ZFAND6: variants seen among roughly 807,000 people sequenced by gnomAD.
ZFAND6 encodes AN1-type zinc finger protein 6.
ZFAND6 carries 12 observed loss-of-function variants against 24.5 expected under a neutral mutation model. The observed-to-expected ratio is 0.49, with a 90% CI of 0.31 to 0.79. The LOEUF (loss-of-function observed/expected upper bound fraction) is 0.79, where lower values mean the gene tolerates loss of function less well. Among genes scored for constraint, ZFAND6 ranks in the 30% least tolerant of loss-of-function variants. The pLI is 0.04. For missense variants in ZFAND6, 207 were observed against 245.9 expected (o/e 0.84, Z 1.06); for synonymous variants, 92 against 81.5 (o/e 1.13, Z -0.69).
chr15:80,136,054 A>T lies in ZFAND6; in HGVS notation c.479-1426A>T, dbSNP rs117277698. On this transcript the variant is annotated intron_variant, in intron 6 of 6. Transcript: ENST00000261749. ...GGTGGAAGGATTGCTTGAGCCCAGG[A>T]GGTCAAGGCTGCAGTGAGCTATGAT... Among the ~76,000 whole-genome samples, 300 of 151,940 alleles carry T rather than the reference A, an allele frequency of 2.0e-3. 9 individuals are homozygous for T. The East Asian group carries it at 0.048, about 24-fold the overall frequency.
At position 80,133,199 on chromosome 15, in the gene ZFAND6, G is replaced by GT. The variant is rs3082115; in HGVS notation, c.478+1917dup. ...GTTTTTTTTTGTTTGTTTGTTTTTT[G>GT]TTTTTTTTTTTGAAATGGAGTCTTG... On this transcript the variant is annotated intron_variant, in intron 6 of 6. Coordinates refer to ENST00000261749, the MANE Select transcript of ZFAND6 (RefSeq NM_019006.4). Among the ~76,000 whole-genome samples the GT allele has an allele frequency of 3.9e-3, 563 of 145,506 alleles. 4 individuals are homozygous for GT. The highest frequency in any genetic ancestry group is 0.023 in the East Asian group (114 of 4,990).
intron 2 of ZFAND6, among the ~76,000 whole-genome samples, chr15:80,113,787 A>G (rs2039728933): frequency 7.9e-6 from 1 of 127,274 alleles, no homozygotes; most frequent in South Asian, 2.9e-4. Flanking sequence ...ACAGAGTTGT[A>G]TACCAGTGAG....
chr15:80,066,347 C>G (rs1344888520), intron 1 of ZFAND6, among the ~76,000 whole-genome samples: 1 of 151,702 alleles, frequency 6.6e-6, no homozygotes, highest in African/African-American at 2.4e-5. Flanking sequence ...GAGTCTCACT[C>G]TGTTGCCCAG....
chr15:80,073,513 A>G (rs1427079499), intron 1 of ZFAND6, among the ~76,000 whole-genome samples: 1 of 151,962 alleles, frequency 6.6e-6, no homozygotes, highest in Non-Finnish European at 1.5e-5. Context: ...ATCAGACCAA[A>G]AGCCAGCTAA....
chr15:80,073,456 T>A (rs2037090633), intron 1 of ZFAND6: 1 of 180,006 alleles, frequency 5.6e-6, no homozygotes, highest in Non-Finnish European at 1.2e-5. Flanking sequence ...TTGTTGCTCT[T>A]TGTTCTCATA....
chr15:80,134,840 T>C (rs2040782825), intron 6 of ZFAND6, among the ~76,000 whole-genome samples: 1 of 152,290 alleles, frequency 6.6e-6, no homozygotes, highest in Non-Finnish European at 1.5e-5. Context: ...CACTAGACAG[T>C]CTGACAGAAG....
intron 6 of ZFAND6, among the ~76,000 whole-genome samples, chr15:80,136,241 C>G (rs1453617024): frequency 6.6e-6 from 1 of 152,056 alleles, no homozygotes; most frequent in Non-Finnish European, 1.5e-5. Context: ...CCTAGGCAGG[C>G]AGATCACAAG....
chr15:80,116,022 A>T (rs1339066020), intron 2 of ZFAND6, among the ~76,000 whole-genome samples: 2 of 151,434 alleles, frequency 1.3e-5, no homozygotes, highest in Non-Finnish European at 2.9e-5. Flanking sequence ...AGTATAGCAT[A>T]GTTGGTGGTT....
intron 1 of ZFAND6, among the ~76,000 whole-genome samples, chr15:80,061,449 C>T (rs1325223790): frequency 2.0e-5 from 3 of 152,128 alleles, no homozygotes; most frequent in Non-Finnish European, 2.9e-5. Flanking sequence ...TGATGACTCC[C>T]CCCAAACCCA....
intron 5 of ZFAND6, among the ~76,000 whole-genome samples, chr15:80,126,976 C>T (rs1265515566): frequency 4.6e-5 from 7 of 151,900 alleles, no homozygotes; most frequent in Non-Finnish European, 1.0e-4. Context: ...TGGTGGCGCA[C>T]GCTTGTAGTC....
intron 1 of ZFAND6, among the ~76,000 whole-genome samples, chr15:80,092,353 T>C (rs1471003349): frequency 2.0e-5 from 3 of 149,772 alleles, no homozygotes; most frequent in Non-Finnish European, 4.4e-5. Flanking sequence ...AAAGGATTGC[T>C]TGAGGACGGG....
chr15:80,118,570 G>GTATA (rs1008937623), intron 2 of ZFAND6, among the ~76,000 whole-genome samples: 1 of 152,014 alleles, frequency 6.6e-6, no homozygotes, highest in Non-Finnish European at 1.5e-5. Context: ...GTGTATGTAT[G>GTATA]TATATATACA....
At chr15:80,134,040 T>G (rs1216326207) in intron 6 of ZFAND6, among the ~76,000 whole-genome samples, 2 of 149,980 alleles carry the variant, frequency 1.3e-5, no homozygotes, top group South Asian at 2.1e-4. Context: ...TAGGCTGGAG[T>G]GCAGTGGCGC....
At chr15:80,066,828 C>A (rs35305616) in intron 1 of ZFAND6, among the ~76,000 whole-genome samples, 7 of 148,558 alleles carry the variant, frequency 4.7e-5, no homozygotes, top group Non-Finnish European at 8.9e-5. Flanking sequence ...AACTTAGAGG[C>A]GGAGGTTGCA....
At chr15:80,134,799 AAG>A (rs1366322946) in intron 6 of ZFAND6, among the ~76,000 whole-genome samples, 1 of 91,836 alleles carries the variant, frequency 1.1e-5, no homozygotes, top group African/African-American at 3.3e-5. Context: ...GACATAGAAA[AAG>A]AGAAAAAGCG....
intron 1 of ZFAND6, among the ~76,000 whole-genome samples, chr15:80,088,216 T>A (rs567788008): frequency 6.6e-6 from 1 of 152,276 alleles, no homozygotes; most frequent in Non-Finnish European, 1.5e-5. Context: ...TTGTCCATCC[T>A]TTTTGATCCT....
chr15:80,072,612 A>T (rs2037042799), intron 1 of ZFAND6: 1 of 152,070 alleles, frequency 6.6e-6, no homozygotes, highest in Non-Finnish European at 1.5e-5. Flanking sequence ...AGTTAATCTG[A>T]GGTGAAGCAA....
intron 1 of ZFAND6, among the ~76,000 whole-genome samples, chr15:80,066,176 CAA>C (rs1177403576): frequency 1.3e-5 from 2 of 152,092 alleles, no homozygotes; most frequent in Non-Finnish European, 2.9e-5. Flanking sequence ...CAGATTTCGA[CAA>C]GTGTCTAGGA....
upstream of ZFAND6, among the ~76,000 whole-genome samples, chr15:80,059,405 A>C (rs1317935797): frequency 6.6e-6 from 1 of 152,190 alleles, no homozygotes; most frequent in Non-Finnish European, 1.5e-5. Context: ...AGCGCCCCAG[A>C]GAGGGCAGTG....
Sources: gnomAD v4.1 joint callset for allele counts (sites outside exome capture counted in the v4.1 genomes callset) on GRCh38, gnomAD v4.1.1 for gene constraint, MANE v1.5 for transcripts, NCBI Gene and HGNC (gene_info 2026-07-23, HGNC 2026-07-21) for gene names.